The following UNC5D variants were observed in gnomAD, a reference collection of about 807,000 sequenced individuals.
The protein encoded by UNC5D is netrin receptor UNC5D.
UNC5D carries 39 observed loss-of-function variants against 105.4 expected under a neutral mutation model. The ratio of observed to expected loss-of-function variants is 0.37; its 90% CI spans 0.29 to 0.48. The LOEUF is 0.48. Among genes scored for constraint, UNC5D ranks in the 20% least tolerant of loss-of-function variants. The probability of loss-of-function intolerance (pLI) is 0.98; values close to 1 mark genes in which losing one functional copy is unlikely to be tolerated. For synonymous variants in UNC5D, 452 were observed against 450.4 expected, an observed-to-expected ratio of 1.00 and a Z score of -0.04; for missense variants, 991 against 1,202.4, an observed-to-expected ratio of 0.82 and a Z score of 2.60.
At chr8:35,668,964 T>G (rs1824600895) in intron 4 of UNC5D, among the ~76,000 whole-genome samples, 1 of 152,106 alleles carries the variant, frequency 6.6e-6, no homozygotes, top group Non-Finnish European at 1.5e-5. Flanking sequence ...TGCATCTTCC[T>G]CTTCCCTTTC....
intron 16 of UNC5D, among the ~76,000 whole-genome samples, chr8:35,780,424 G>A (rs1802450561): frequency 2.6e-5 from 4 of 152,212 alleles, no homozygotes; most frequent in Admixed American, 2.6e-4. Flanking sequence ...CTATTAATTG[G>A]ATGCAAAGGA....
At chr8:35,309,277 A>G (rs1808686519) in intron 1 of UNC5D, among the ~76,000 whole-genome samples, 1 of 152,158 alleles carries the variant, frequency 6.6e-6, no homozygotes, top group Admixed American at 6.6e-5. Flanking sequence ...TGCAAAACAG[A>G]AGGCACTGCA....
At chr8:35,471,967 G>A (rs756123311) in intron 1 of UNC5D, among the ~76,000 whole-genome samples, 22 of 151,026 alleles carry the variant, frequency 1.5e-4, no homozygotes, top group Non-Finnish European at 3.1e-4. Flanking sequence ...TGTTTTCTTT[G>A]TGAATCAGTA....
At chr8:35,458,387 C>T (rs1808642130) in intron 1 of UNC5D, among the ~76,000 whole-genome samples, 1 of 152,128 alleles carries the variant, frequency 6.6e-6, no homozygotes, top group African/African-American at 2.4e-5. Flanking sequence ...TTGCTTGTTG[C>T]TGAGGCTCAC....
intron 1 of UNC5D, among the ~76,000 whole-genome samples, chr8:35,375,906 A>G (rs1371656754): frequency 6.6e-6 from 1 of 152,200 alleles, no homozygotes; most frequent in East Asian, 1.9e-4. Context: ...ATGATTTTCA[A>G]TATGAAAATT....
intron 3 of UNC5D, among the ~76,000 whole-genome samples, chr8:35,570,693 C>T (rs1817657902): frequency 1.3e-5 from 2 of 152,174 alleles, no homozygotes; most frequent in African/African-American, 4.8e-5. Context: ...GTGGCTCACT[C>T]CTGTAATCCC....
chr8:35,394,965 T>C (rs1453835918), intron 1 of UNC5D, among the ~76,000 whole-genome samples: 1 of 152,182 alleles, frequency 6.6e-6, no homozygotes, highest in Non-Finnish European at 1.5e-5. Flanking sequence ...CTAATACATT[T>C]GTTGGATAAA....
In UNC5D at chr8:35,697,722, T is replaced by C. The variant is rs141203597; in HGVS notation, c.1085-8207T>C. On this transcript the variant is annotated intron_variant, in intron 7 of 16. Transcript: ENST00000404895. ...AGTACCTACTATATCCTATTTATTG[T>C]TCTAGGTACTGGAAATAGGTAAACA... 6.9e-3 allele frequency among the ~76,000 whole-genome samples: 1,048 copies of C among 152,284 alleles called. 10 individuals are homozygous for C. The highest frequency in any genetic ancestry group is 0.024 in the African/African-American group (997 of 41,552).
chr8:35,544,658 A>G, intron 1 of UNC5D: 1 of 1,278,176 alleles, frequency 7.8e-7, no homozygotes, highest in Non-Finnish European at 1.0e-6. Context: ...GCTGGAGTGC[A>G]ATAGTGTGAT....
At chr8:35,661,009 G>A (rs1824070467) in intron 4 of UNC5D, among the ~76,000 whole-genome samples, 1 of 151,960 alleles carries the variant, frequency 6.6e-6, no homozygotes, top group Non-Finnish European at 1.5e-5. Flanking sequence ...GAGGTGGGAG[G>A]ATAGCTTGAG....
rs531345209 is a variant in UNC5D at position 35,562,726 on chromosome 8, G to C, written c.323-5372G>C. Among the ~76,000 whole-genome samples the C allele has an allele frequency of 7.9e-5, 12 of 152,168 alleles. No individual in the cohort carries two copies. In the East Asian group the frequency reaches 2.3e-3, roughly 29 times the overall value. Reference sequence around the variant, plus strand: ...ATGTTCGGTTATTAATCCCTTGTCAGATAGATAGTTTGCAAATATTTTCTC... The same window carrying C: ...ATGTTCGGTTATTAATCCCTTGTCACATAGATAGTTTGCAAATATTTTCTC... On this transcript the variant is annotated intron_variant, in intron 2 of 16. Transcript: ENST00000404895.
intron 3 of UNC5D, among the ~76,000 whole-genome samples, chr8:35,578,233 A>AAAAAAAAAAGAAAG (rs1563553877): frequency 1.3e-5 from 2 of 148,190 alleles, no homozygotes; most frequent in Admixed American, 1.3e-4. Flanking sequence ...CTCAAAAAAA[A>AAAAAAAAAAGAAAG]AAAAAAAAAA....
intron 9 of UNC5D, among the ~76,000 whole-genome samples, chr8:35,723,974 G>C (rs1828722637): frequency 6.6e-6 from 1 of 151,972 alleles, no homozygotes; most frequent in African/African-American, 2.4e-5. Context: ...AAATCACCTG[G>C]AATAACATGG....
At chr8:35,352,271 C>T (rs777718957) in intron 1 of UNC5D, among the ~76,000 whole-genome samples, 4 of 151,924 alleles carry the variant, frequency 2.6e-5, no homozygotes, top group Non-Finnish European at 5.9e-5. Flanking sequence ...TATACATGTT[C>T]ACCGAAATTA....
chr8:35,705,895 T>C, intron 7 of UNC5D, 34 bp from the exon 8 acceptor site: 3 of 1,298,886 alleles, frequency 2.3e-6, no homozygotes, highest in African/African-American at 2.9e-5. Context: ...ATTTATTAAA[T>C]GCAACTTTCT....
At chr8:35,452,627 C>A (rs563589625) in intron 1 of UNC5D, among the ~76,000 whole-genome samples, 11 of 152,044 alleles carry the variant, frequency 7.2e-5, no homozygotes, top group Non-Finnish European at 1.5e-4. Flanking sequence ...CCTAGTTACA[C>A]CCCAAAGTTA....
intron 3 of UNC5D, among the ~76,000 whole-genome samples, chr8:35,576,871 C>T (rs1214842045): frequency 1.3e-5 from 2 of 152,104 alleles, no homozygotes; most frequent in Non-Finnish European, 2.9e-5. Context: ...CCTCGGCCTC[C>T]CAAAGTGCTA....
At chr8:35,742,484 A>G (rs1456239632) in intron 11 of UNC5D, among the ~76,000 whole-genome samples, 3 of 152,276 alleles carry the variant, frequency 2.0e-5, no homozygotes, top group African/African-American at 7.2e-5. Flanking sequence ...AGGGTCTGAC[A>G]TAGTAAAACT....
intron 1 of UNC5D, among the ~76,000 whole-genome samples, chr8:35,338,137 T>A (rs1224515857): frequency 6.6e-6 from 1 of 152,176 alleles, no homozygotes; most frequent in Admixed American, 6.5e-5. Context: ...TTGTCTTTAA[T>A]GTCTGTGGTT....
Sources: gnomAD v4.1 joint callset for allele counts (sites outside exome capture counted in the v4.1 genomes callset) on GRCh38, gnomAD v4.1.1 for gene constraint, MANE v1.5 for transcripts, NCBI Gene and HGNC (gene_info 2026-07-23, HGNC 2026-07-21) for gene names.